Variants in PCM1 observed in about 807,000 individuals in gnomAD.
The protein encoded by PCM1 is pericentriolar material 1.
A neutral mutation model predicts 241.9 loss-of-function variants in PCM1; 157 were observed. The ratio of observed to expected loss-of-function variants is 0.65; its 90% CI spans 0.57 to 0.74. The LOEUF (loss-of-function observed/expected upper bound fraction) is 0.74. Among genes scored for constraint, PCM1 ranks in the 30% least tolerant of loss-of-function variants. The pLI, the probability that PCM1 is intolerant of heterozygous loss-of-function variation, is 0.00. For synonymous variants in PCM1, 1,085 were observed against 784.9 expected, an observed-to-expected ratio of 1.38 and a Z score of -6.39; for missense variants, 3,478 against 2,360.1, an observed-to-expected ratio of 1.47 and a Z score of -9.81.
rs184208542 is a variant in PCM1, at chr8:18,017,681, C to G, written c.5841+2841C>G. ...CCAGCCTGACCAGCATGAATAAACC[C>G]TGTCTCTATTAAAAATACAAAATTA... On this transcript the variant is annotated intron_variant, in intron 36 of 38. Transcript: ENST00000325083. 6.8e-3 allele frequency among the ~76,000 whole-genome samples: 1,043 copies of G among 152,280 alleles called. 2 individuals carry two copies. Among genetic ancestry groups the G allele is most frequent in the Non-Finnish European group, 0.012 (789 of 68,032 alleles).
chr8:17,941,316 C>T (rs1362017382), intron 6 of PCM1, among the ~76,000 whole-genome samples: 1 of 152,064 alleles, frequency 6.6e-6, no homozygotes, highest in Non-Finnish European at 1.5e-5. Context: ...ATTGTGATGG[C>T]AATTTCTTTC....
chr8:17,959,057 T>C (rs979753235), intron 13 of PCM1, among the ~76,000 whole-genome samples: 2 of 152,124 alleles, frequency 1.3e-5, no homozygotes, highest in African/African-American at 4.8e-5. Flanking sequence ...ATAATCCTAT[T>C]CTTCTTCACT....
intron 30 of PCM1, among the ~76,000 whole-genome samples, chr8:18,007,098 T>G (rs960451626): frequency 6.6e-6 from 1 of 152,230 alleles, no homozygotes; most frequent in Non-Finnish European, 1.5e-5. Context: ...CCTTGTTTAT[T>G]CCATATGACA....
intron 23 of PCM1, among the ~76,000 whole-genome samples, chr8:17,977,144 G>T (rs1202320078): frequency 6.6e-6 from 1 of 151,906 alleles, no homozygotes; most frequent in Non-Finnish European, 1.5e-5. Flanking sequence ...TTTTTCTTTA[G>T]ATCATTGTAT....
intron 23 of PCM1, among the ~76,000 whole-genome samples, chr8:17,975,284 C>G (rs2078339469): frequency 6.6e-6 from 1 of 152,102 alleles, no homozygotes; most frequent in Non-Finnish European, 1.5e-5. Context: ...CTGTCTCATC[C>G]TCCCGAGTAG....
chr8:17,961,825 T>A (rs1352994697), intron 15 of PCM1, among the ~76,000 whole-genome samples: 1 of 152,230 alleles, frequency 6.6e-6, no homozygotes, highest in Non-Finnish European at 1.5e-5. Flanking sequence ...TTCTGTTGTT[T>A]CTGAGGGCTT....
chr8:17,962,088 A>T lies in PCM1; in HGVS notation c.2377A>T (p.Thr793Ser). 6.2e-7 allele frequency: 1 copy of T among 1,611,824 alleles called. No individual in the cohort carries two copies. The highest frequency in any genetic ancestry group is 8.5e-7 in the Non-Finnish European group (1 of 1,178,590). ...CPTKKYMPAV[T>S]STPTVNQHET... Reference sequence around the variant, plus strand: ...CACCAAAAAATATATGCCAGCTGTTACTTCAACCCCAACTGTTAATCAACA... The same window carrying T: ...CACCAAAAAATATATGCCAGCTGTTTCTTCAACCCCAACTGTTAATCAACA... The change falls in exon 16 of 39, where the codon ACT becomes TCT. Residue 793 changes from threonine to serine, a missense_variant. Coordinates refer to ENST00000325083, the MANE Select transcript of PCM1 (RefSeq NM_006197.4).
At chr8:17,961,353 C>G (rs935580461) in intron 15 of PCM1, among the ~76,000 whole-genome samples, 1 of 131,142 alleles carries the variant, frequency 7.6e-6, no homozygotes, top group Non-Finnish European at 1.5e-5. Context: ...CTCTGTGGCC[C>G]AGGTGGGAGT....
rs553480004 is a variant in PCM1, at chr8:17,970,473, T to G, written c.3584+725T>G. On this transcript the variant is annotated intron_variant, in intron 22 of 38. Transcript: ENST00000325083. The stretch of plus-strand genomic sequence containing the variant: ...CTCGATTAACCAATAACTCTGAGAA[T>G]TCCAACTTTGTATTCACCACTAGGA... Among the ~76,000 whole-genome samples the G allele has an allele frequency of 1.2e-3, 178 of 151,864 alleles. 2 individuals are homozygous for G. Among genetic ancestry groups the G allele is most frequent in the South Asian group, 1.5e-3 (7 of 4,822 alleles).
At chr8:18,004,814 A>C (rs1365703801) in intron 29 of PCM1, among the ~76,000 whole-genome samples, 3 of 152,084 alleles carry the variant, frequency 2.0e-5, no homozygotes, top group South Asian at 4.1e-4. Context: ...ACCTTAATTC[A>C]TATTCTTACC....
At chr8:18,025,023 G>C (rs111740711) in intron 36 of PCM1, 5 of 180,628 alleles carry the variant, frequency 2.8e-5, no homozygotes, top group Non-Finnish European at 1.1e-5. Context: ...CTTACATTCT[G>C]CTGGGTACAG....
rs1054373053 is a variant in PCM1 at position 17,939,109 on chromosome 8, G to T, written c.612+100G>T. On this transcript the variant is annotated intron_variant, in intron 5 of 38. Coordinates refer to ENST00000325083, the MANE Select transcript of PCM1 (RefSeq NM_006197.4). ...GTTACGCACACAGGAATTTTAGTTGGGTGGAATTAAAGTGCTTCACTGACC... is the reference window on the plus strand; with the variant it reads ...GTTACGCACACAGGAATTTTAGTTGTGTGGAATTAAAGTGCTTCACTGACC... 8.4e-6 allele frequency: 10 copies of T among 1,185,298 alleles called. No homozygotes were observed. The Middle Eastern group carries it at 5.9e-4, about 70-fold the overall frequency. The allele number at this position is 1,185,298 out of a possible 1,614,324, so 73.4% of individuals were successfully genotyped here. A position where few individuals can be genotyped will look rare whatever the true frequency, so the allele number is the denominator to read the frequency against.
chr8:17,976,925 A>G lies in PCM1; in HGVS notation c.3944-3666A>G, dbSNP rs2078980932. ...ATAATTATAGCCTACTTCTCTTCAC[A>G]GTTTCAGCTATTTTGGAGGATGACT... On this transcript the variant is annotated intron_variant, in intron 23 of 38. Coordinates refer to ENST00000325083, the MANE Select transcript of PCM1 (RefSeq NM_006197.4). Among the ~76,000 whole-genome samples the G allele has an allele frequency of 1.3e-5, 2 of 151,424 alleles. 1 individual carries two copies. Among genetic ancestry groups the G allele is most frequent in the Non-Finnish European group, 2.9e-5 (2 of 67,932 alleles).
chr8:17,985,041 T>C (rs1258102189), intron 24 of PCM1, among the ~76,000 whole-genome samples: 1 of 151,936 alleles, frequency 6.6e-6, no homozygotes, highest in Non-Finnish European at 1.5e-5. Context: ...TAACAAAATA[T>C]ACAAACTTCC....
chr8:18,017,599 A>G (rs942076591), intron 36 of PCM1, among the ~76,000 whole-genome samples: 2 of 152,216 alleles, frequency 1.3e-5, no homozygotes, highest in African/African-American at 4.8e-5. Flanking sequence ...CATGCCTGTA[A>G]TCCCAGCCCT....
At chr8:17,930,417 T>G (rs2058627600) in intron 2 of PCM1, among the ~76,000 whole-genome samples, 1 of 152,038 alleles carries the variant, frequency 6.6e-6, no homozygotes, top group African/African-American at 2.4e-5. Context: ...CTGGAATACT[T>G]TCTGTACTTG....
At chr8:18,012,004 T>G (rs899999595) in intron 34 of PCM1, among the ~76,000 whole-genome samples, 177 bp downstream of exon 34, 2 of 152,172 alleles carry the variant, frequency 1.3e-5, no homozygotes, top group East Asian at 3.8e-4. Context: ...TATGATTGTT[T>G]TTTAGAGACA....
In PCM1 at chr8:17,947,381, A is replaced by C. The variant is rs2064225549; in HGVS notation, c.961+18A>C. ...TGATTCTGGTATGTCACAGTCTGAG[A>C]ATATTCTTTTTGTAAGGAAGACTCA... On this transcript the variant is annotated intron_variant, in intron 7 of 38. Transcript: ENST00000325083. The C allele has an allele frequency of 2.0e-6, 3 of 1,532,756 alleles. No individual in the cohort carries two copies. Among genetic ancestry groups the C allele is most frequent in the South Asian group, 1.2e-5 (1 of 80,024 alleles). 94.9% of individuals were successfully genotyped at this position (1,532,756 alleles called of 1,614,324 possible).
rs78080634 is a variant in PCM1, at chr8:17,990,929, T to A, written c.4532-613T>A. Among the ~76,000 whole-genome samples the A allele has an allele frequency of 7.7e-3, 1,171 of 152,236 alleles. 10 individuals are homozygous for A. The highest frequency in any genetic ancestry group is 0.027 in the African/African-American group (1,125 of 41,542). On this transcript the variant is annotated intron_variant, in intron 27 of 38. Coordinates refer to ENST00000325083, the MANE Select transcript of PCM1 (RefSeq NM_006197.4). ...CTTATTTGGGTCTGCATTGAGTTCA[T>A]CCCATTACAGAGAAAAATTACTGTG...
Sources: gnomAD v4.1 joint callset for allele counts (sites outside exome capture counted in the v4.1 genomes callset) on GRCh38, gnomAD v4.1.1 for gene constraint, MANE v1.5 for transcripts, NCBI Gene and HGNC (gene_info 2026-07-23, HGNC 2026-07-21) for gene names.